EYA2: variants seen among roughly 807,000 people sequenced by gnomAD.
EYA2 encodes the protein protein phosphatase EYA2.
A neutral mutation model predicts 69.2 loss-of-function variants in EYA2; 31 were observed. The observed-to-expected ratio is 0.45, with a 90% CI of 0.34 to 0.60. The LOEUF is 0.60. Ranked by LOEUF, EYA2 falls within the 20% of genes least tolerant of loss-of-function variation. EYA2 has a pLI of 0.02. For synonymous variants in EYA2, 257 were observed against 279.4 expected, an observed-to-expected ratio of 0.92 and a Z score of 0.80; for missense variants, 622 against 701.2, an observed-to-expected ratio of 0.89 and a Z score of 1.28.
chr20:47,182,009 A>G (rs983108192), intron 14 of EYA2, among the ~76,000 whole-genome samples: 8 of 151,940 alleles, frequency 5.3e-5, no homozygotes, highest in African/African-American at 1.9e-4. Flanking sequence ...AATTTTCACC[A>G]TCTTAACCTT....
chr20:47,083,869 A>G (rs776516414), intron 7 of EYA2, among the ~76,000 whole-genome samples: 2 of 152,260 alleles, frequency 1.3e-5, no homozygotes, highest in African/African-American at 2.4e-5. Context: ...ATTGCAAGGC[A>G]TATCTCGAAT....
chr20:47,096,150 T>A (rs1363158831), intron 8 of EYA2: 1 of 152,058 alleles, frequency 6.6e-6, no homozygotes, highest in Non-Finnish European at 1.5e-5. Context: ...TATGATGGAG[T>A]ACAAGTAAAG....
intron 2 of EYA2, among the ~76,000 whole-genome samples, chr20:46,996,583 A>G (rs1427888672): frequency 1.3e-5 from 2 of 152,120 alleles, no homozygotes; most frequent in Admixed American, 6.5e-5. Flanking sequence ...TTAAGTACTC[A>G]TTTGTGTGAT....
At chr20:47,108,100 TAGA>T (rs1202795573) in intron 9 of EYA2, among the ~76,000 whole-genome samples, 1 of 152,028 alleles carries the variant, frequency 6.6e-6, no homozygotes, top group African/African-American at 2.4e-5. Context: ...AGATTTGGAG[TAGA>T]AGGACAGAGT....
chr20:47,181,037 T>C, intron 14 of EYA2, 101 bp downstream of exon 14: 1 of 1,482,702 alleles, frequency 6.7e-7, no homozygotes, highest in Middle Eastern at 2.4e-4. Context: ...ACCACAGAAA[T>C]GGATGGAGTG....
intron 13 of EYA2, among the ~76,000 whole-genome samples, chr20:47,180,464 G>T (rs2034517119): frequency 6.6e-6 from 1 of 152,144 alleles, no homozygotes; most frequent in Admixed American, 6.5e-5. Context: ...ATGAGAACTG[G>T]CATGCAGGCT....
intron 1 of EYA2, among the ~76,000 whole-genome samples, chr20:46,924,549 A>G (rs1334315003): frequency 2.6e-5 from 4 of 151,920 alleles, no homozygotes; most frequent in Non-Finnish European, 5.9e-5. Context: ...GGGCGCCTGT[A>G]GTCCCAGCTA....
chr20:46,933,171 G>A (rs1331398410), intron 1 of EYA2, among the ~76,000 whole-genome samples: 1 of 152,240 alleles, frequency 6.6e-6, no homozygotes, highest in African/African-American at 2.4e-5. Flanking sequence ...ACTAATGGCT[G>A]ATTAATTCCT....
intron 2 of EYA2, chr20:46,997,666 T>C (rs1412729523): frequency 6.6e-6 from 1 of 152,358 alleles, no homozygotes; most frequent in Non-Finnish European, 1.5e-5. Context: ...ACCAGCAAAG[T>C]GGACCTAAGT....
rs11698115 is a variant in EYA2 at position 47,119,843 on chromosome 20, G to A, written c.888+22675G>A. On this transcript the variant is annotated intron_variant, in intron 9 of 15. Coordinates refer to ENST00000327619, the MANE Select transcript of EYA2 (RefSeq NM_005244.5). ...GCATTTCAGGAGGCTGAGGTGAGAGGATAGCTTGAGCTTAGGAGTTTGAGA... is the reference window on the plus strand; with the variant it reads ...GCATTTCAGGAGGCTGAGGTGAGAGAATAGCTTGAGCTTAGGAGTTTGAGA... Among the ~76,000 whole-genome samples, 1,051 of 152,318 alleles carry A rather than the reference G, an allele frequency of 6.9e-3. 6 individuals carry two copies. Among genetic ancestry groups the A allele is most frequent in the Non-Finnish European group, 0.01 (685 of 68,026 alleles).
intron 1 of EYA2, among the ~76,000 whole-genome samples, chr20:46,926,449 T>C (rs1429834080): frequency 6.6e-6 from 1 of 152,204 alleles, no homozygotes; most frequent in African/African-American, 2.4e-5. Flanking sequence ...GAAGATGAGA[T>C]GAGATGTCCC....
At chr20:47,044,743 T>G (rs750126772) in intron 5 of EYA2, among the ~76,000 whole-genome samples, 14 of 152,194 alleles carry the variant, frequency 9.2e-5, no homozygotes, top group Non-Finnish European at 2.1e-4. Flanking sequence ...TAATTACTGA[T>G]ATTTCTCCCA....
At chr20:47,130,358 A>G (rs375612416) in intron 9 of EYA2, among the ~76,000 whole-genome samples, 529 of 127,550 alleles carry the variant, frequency 4.1e-3, no homozygotes, top group East Asian at 0.019. Flanking sequence ...TCCGCCTCCC[A>G]GGTTCACGCC....
At chr20:46,903,475 T>C (rs967609144) in intron 1 of EYA2, among the ~76,000 whole-genome samples, 12 of 152,198 alleles carry the variant, frequency 7.9e-5, no homozygotes, top group Non-Finnish European at 1.2e-4. Context: ...ATGTAGAGAA[T>C]CAGACTTTCC....
At chr20:47,141,520 C>A (rs550128968) in intron 9 of EYA2, among the ~76,000 whole-genome samples, 26 of 152,304 alleles carry the variant, frequency 1.7e-4, no homozygotes, top group African/African-American at 6.0e-4. Flanking sequence ...CCATGTGTAT[C>A]GGTTAGGATA....
chr20:46,903,308 C>G (rs1464755347), intron 1 of EYA2, among the ~76,000 whole-genome samples: 1 of 152,118 alleles, frequency 6.6e-6, no homozygotes, highest in East Asian at 1.9e-4. Context: ...GTCTGTAGAC[C>G]CTCACCCACA....
chr20:47,107,842 A>G, intron 9 of EYA2, among the ~76,000 whole-genome samples: 1 of 152,272 alleles, frequency 6.6e-6, no homozygotes. Context: ...AAGAAATAAT[A>G]ATCCAGAGAA....
intron 1 of EYA2, among the ~76,000 whole-genome samples, chr20:46,983,919 A>G (rs1206780): frequency 0.035 from 5,307 of 152,214 alleles, 300 homozygotes; most frequent in African/African-American, 0.12. Context: ...TTGACTTCCA[A>G]TCCCTTAAGA....
At chr20:47,182,955 G>A (rs780350021) in intron 14 of EYA2, among the ~76,000 whole-genome samples, 3 of 152,102 alleles carry the variant, frequency 2.0e-5, no homozygotes, top group South Asian at 4.1e-4. Context: ...AGTGTCCAGC[G>A]CAGTGGCATC....
Sources: gnomAD v4.1 joint callset for allele counts (sites outside exome capture counted in the v4.1 genomes callset) on GRCh38, gnomAD v4.1.1 for gene constraint, MANE v1.5 for transcripts, NCBI Gene and HGNC (gene_info 2026-07-23, HGNC 2026-07-21) for gene names.